TMPRSS6: variants seen among roughly 807,000 people sequenced by gnomAD.
TMPRSS6 encodes the protein transmembrane serine protease 6, also known as transmembrane protease serine 6.
TMPRSS6 carries 67 observed loss-of-function variants against 101.5 expected under a neutral mutation model. The ratio of observed to expected loss-of-function variants is 0.66; its 90% CI spans 0.54 to 0.81. The LOEUF (loss-of-function observed/expected upper bound fraction) is 0.81, where lower values mean the gene tolerates loss of function less well. Among genes scored for constraint, TMPRSS6 ranks in the 30% least tolerant of loss-of-function variants. The pLI, the probability that TMPRSS6 is intolerant of heterozygous loss-of-function variation, is 0.00. For synonymous variants in TMPRSS6, 453 were observed against 464.9 expected (o/e 0.97, Z 0.33); for missense variants, 1,034 against 1,088.7 (o/e 0.95, Z 0.71).
chr22:37,085,210 T>A (rs1928635694), intron 8 of TMPRSS6, among the ~76,000 whole-genome samples: 1 of 151,918 alleles, frequency 6.6e-6, no homozygotes, highest in Non-Finnish European at 1.5e-5. Flanking sequence ...TTTTCCAAGA[T>A]GAGGTTCGGA....
rs374152022 is a variant in TMPRSS6, at chr22:37,067,394, C to T, written c.2114-432G>A. ...CTGAGGCAGGAGAACCGCTTGAACC[C>T]GGGAGGAGGGGGATCCGAGCCGAGA... On this transcript the variant is annotated intron_variant, in intron 16 of 17. Coordinates refer to ENST00000676104, the MANE Select transcript of TMPRSS6 (RefSeq NM_001374504.1). 2.6e-5 allele frequency among the ~76,000 whole-genome samples: 4 copies of T among 152,050 alleles called. No individual in the cohort carries two copies. In the South Asian group the frequency reaches 6.2e-4, roughly 24 times the overall value.
chr22:37,085,303 G>T (rs2743821), intron 8 of TMPRSS6, among the ~76,000 whole-genome samples: 93,971 of 151,798 alleles, frequency 0.62, 30,212 homozygotes, highest in African/African-American at 0.79. Context: ...CACCTGCCCT[G>T]GCCATCTCTC....
intron 2 of TMPRSS6, among the ~76,000 whole-genome samples, chr22:37,099,226 T>C (rs887324102): frequency 3.9e-5 from 6 of 151,930 alleles, no homozygotes; most frequent in Non-Finnish European, 8.8e-5. Context: ...GGGAGGGAAG[T>C]ACCTTCCAGC....
rs181918695 is a variant in TMPRSS6, at chr22:37,082,014, C to T, written c.1196+2281G>A. ...TCTGTCATTACCCAAGGGTAGCTCA[C>T]GAAGTCCCTGTCTCCCCAGTACCCA... On this transcript the variant is annotated intron_variant, in intron 10 of 17. Transcript: ENST00000676104. 5.7e-3 allele frequency among the ~76,000 whole-genome samples: 864 copies of T among 152,356 alleles called. 4 individuals carry two copies. Among genetic ancestry groups the T allele is most frequent in the African/African-American group, 0.02 (814 of 41,580 alleles).
At chr22:37,095,614 A>G in intron 5 of TMPRSS6, 22 bp from the exon 6 acceptor site, 1 of 1,581,276 alleles carries the variant, frequency 6.3e-7, no homozygotes, top group African/African-American at 1.4e-5. Context: ...AAATGAACAA[A>G]CAAATAAACA....
Position 37,103,361 on chromosome 22 carries a change from G to A in TMPRSS6, c.57C>T (p.Gly19=), listed in dbSNP as rs199622201. 3.5e-5 allele frequency: 56 copies of A among 1,614,118 alleles called. 1 individual carries two copies. The Admixed American group carries it at 4.3e-4, about 12-fold the overall frequency. The stretch of plus-strand genomic sequence containing the variant: ...ACATCCCCTCCGGCTCCGCTTCCTC[G>A]CCATCACCTCCGTCCCCCTGCCCGC... ...VAGGQGDGGD[G]EEAEPEGMFK... The change falls in exon 2 of 18, where the codon GGC becomes GGT. Residue 19 remains glycine, a synonymous_variant. Transcript: ENST00000676104. This position sits in a 1 kb window ranked among gnomAD's most constrained non-coding sequence, Gnocchi z 4.4.
intron 16 of TMPRSS6, among the ~76,000 whole-genome samples, 158 bp from the exon 17 acceptor site, chr22:37,067,120 T>TGTCA (rs1926376203): frequency 6.6e-6 from 1 of 152,220 alleles, no homozygotes; most frequent in Non-Finnish European, 1.5e-5. Context: ...TCTGCCTCCC[T>TGTCA]GTCACTTTAT....
At chr22:37,070,373 G>T in intron 15 of TMPRSS6, 111 bp downstream of exon 15, 2 of 1,399,570 alleles carry the variant, frequency 1.4e-6, no homozygotes, top group Non-Finnish European at 2.0e-6. Context: ...CTGTCTGGGG[G>T]GTCCACCACC....
chr22:37,070,472 C>T lies in TMPRSS6; in HGVS notation c.1841+12G>A, dbSNP rs762170645. Reference sequence around the variant, plus strand: ...TCTCTTACTGCCTAGGCCCCCACACCCTCCCGCTCACCTGTCCTCCTGGAA... The same window carrying T: ...TCTCTTACTGCCTAGGCCCCCACACTCTCCCGCTCACCTGTCCTCCTGGAA... On this transcript the variant is annotated intron_variant, in intron 15 of 17. Coordinates refer to ENST00000676104, the MANE Select transcript of TMPRSS6 (RefSeq NM_001374504.1). 3.8e-5 allele frequency: 61 copies of T among 1,613,234 alleles called. No homozygotes were observed. The highest frequency in any genetic ancestry group is 4.8e-5 in the Non-Finnish European group (57 of 1,179,922).
intron 10 of TMPRSS6, chr22:37,082,574 G>A (rs1223726317): frequency 5.5e-6 from 1 of 182,672 alleles, no homozygotes; most frequent in East Asian, 1.6e-4. Context: ...TAGCAAGGAG[G>A]CTTCAAGTGA....
chr22:37,071,728 A>G (rs1487221148), intron 13 of TMPRSS6, among the ~76,000 whole-genome samples: 1 of 152,226 alleles, frequency 6.6e-6, no homozygotes, highest in Non-Finnish European at 1.5e-5. Flanking sequence ...GGATGGGTAG[A>G]TGGATGGATG....
chr22:37,103,237 C>A lies in TMPRSS6; in HGVS notation c.181G>T (p.Val61Leu), dbSNP rs557834969. Residue 61 changes from valine (V) to leucine (L), a missense_variant, in exon 2 of 18, where the codon GTG becomes TTG. Val to Leu is a conservative substitution (Grantham distance 32, BLOSUM62 1). Transcript: ENST00000676104. This position sits in a 1 kb window ranked among gnomAD's most constrained non-coding sequence, Gnocchi z 4.4. ...LALLVLASAG[V>L]LLWYFLGYKA... Reference sequence around the variant, plus strand: ...TTACCTAGGAAATACCAGAGTAGCACCCCCGCCGAAGCCAGCACGAGCAGG... The same window carrying A: ...TTACCTAGGAAATACCAGAGTAGCAACCCCGCCGAAGCCAGCACGAGCAGG... 14 of 1,613,884 alleles carry A rather than the reference C, an allele frequency of 8.7e-6. No homozygotes were observed. Among genetic ancestry groups the A allele is most frequent in the African/African-American group, 5.3e-5 (4 of 74,918 alleles).
chr22:37,098,389 C>T (rs775117432), intron 3 of TMPRSS6, 27 bp downstream of exon 3: 1 of 1,613,970 alleles, frequency 6.2e-7, no homozygotes, highest in Admixed American at 1.7e-5. Context: ...ATATTCCCTC[C>T]CTCTCATCCC....
rs377545560 is a variant in TMPRSS6, at chr22:37,075,671, G to A, written c.1197-391C>T. Among the ~76,000 whole-genome samples the A allele has an allele frequency of 5.9e-5, 9 of 152,308 alleles. No individual in the cohort carries two copies. The East Asian group carries it at 1.4e-3, about 23-fold the overall frequency. ...TAATCCCAGCACTTTGGGAGGCTGA[G>A]GTGGGTGGATCACCTGAAGTCGGGA... On this transcript the variant is annotated intron_variant, in intron 10 of 17. Transcript: ENST00000676104.
At chr22:37,083,588 G>A (rs2246092) in intron 10 of TMPRSS6, among the ~76,000 whole-genome samples, 96,022 of 152,208 alleles carry the variant, frequency 0.63, 31,747 homozygotes, top group African/African-American at 0.83. Context: ...TGAAGCTGTC[G>A]GCACCACCCA....
Position 37,073,715 on chromosome 22 carries a change from T to C in TMPRSS6, c.1442-70A>G, listed in dbSNP as rs1162951933. 3 of 925,194 alleles carry C rather than the reference T, an allele frequency of 3.2e-6. 1 individual carries two copies. In the South Asian group the frequency reaches 3.9e-5, roughly 12 times the overall value. 57.3% of individuals were successfully genotyped at this position (925,194 alleles called of 1,614,324 possible). On this transcript the variant is annotated intron_variant, in intron 12 of 17. Coordinates refer to ENST00000676104, the MANE Select transcript of TMPRSS6 (RefSeq NM_001374504.1). ...GAGCCAGCCGGGGCTTGGCGATGCC[T>C]GTAGAAGGTGTGCTGTATTGCACGT...
chr22:37,073,179 G>A (rs1448076567), intron 13 of TMPRSS6, among the ~76,000 whole-genome samples: 1 of 151,692 alleles, frequency 6.6e-6, no homozygotes. Context: ...TGGATGGATG[G>A]ATGGATGGAT....
At chr22:37,072,589 T>TAGAC (rs1927152413) in intron 13 of TMPRSS6, among the ~76,000 whole-genome samples, 1 of 120,870 alleles carries the variant, frequency 8.3e-6, no homozygotes. Flanking sequence ...GATGGATGGA[T>TAGAC]GGATGATGGA....
chr22:37,081,405 T>G (rs190086253), intron 10 of TMPRSS6, among the ~76,000 whole-genome samples: 1 of 152,334 alleles, frequency 6.6e-6, no homozygotes, highest in Non-Finnish European at 1.5e-5. Context: ...CTTCGACACT[T>G]AAGCGCTTTC....
Sources: allele counts gnomAD v4.1 joint callset (sites outside exome capture counted in the v4.1 genomes callset), GRCh38; gene constraint gnomAD v4.1.1; non-coding constraint Gnocchi (gnomAD v3.1); transcripts MANE v1.5; gene names NCBI Gene and HGNC (gene_info 2026-07-23, HGNC 2026-07-21).